Variants in PRTG observed in about 807,000 individuals in gnomAD.
The protein encoded by PRTG is immunoglobulin superfamily, DCC subclass, member 5.
A neutral mutation model predicts 122.5 loss-of-function variants in PRTG; 67 were observed. That is an observed-to-expected ratio of 0.55 (90% CI 0.45 to 0.67). The LOEUF is 0.67. Ranked by LOEUF, PRTG falls within the 30% of genes least tolerant of loss-of-function variation. The probability of loss-of-function intolerance (pLI) is 0.00; values close to 1 mark genes in which losing one functional copy is unlikely to be tolerated. For synonymous variants in PRTG, 554 were observed against 501.1 expected (o/e 1.11, Z -1.41); for missense variants, 1,435 against 1,415.4 (o/e 1.01, Z -0.22).
chr15:55,680,124 T>C lies in PRTG; in HGVS notation c.903A>G (p.Val301=). ...ISDVRLQHAG[V]YVCRATTPGT... is the part of the protein sequence containing the mutation. ...CAGGGGTAGTGGCCCGACAAACATA[T>C]ACTCCAGCATGTTGTAGCCTGACAT... Residue 301 remains valine, a synonymous_variant, in exon 6 of 20, where the codon GTA becomes GTG. Coordinates refer to ENST00000389286, the MANE Select transcript of PRTG (RefSeq NM_173814.6). 1.9e-6 allele frequency: 3 copies of C among 1,613,486 alleles called. No homozygotes were observed. The highest frequency in any genetic ancestry group is 2.5e-6 in the Non-Finnish European group (3 of 1,179,484).
At chr15:55,716,835 A>G (rs2030617920) in intron 2 of PRTG, among the ~76,000 whole-genome samples, 1 of 152,328 alleles carries the variant, frequency 6.6e-6, no homozygotes, top group African/African-American at 2.4e-5. Context: ...TCACACATAC[A>G]TGTGTATGTA....
chr15:55,620,599 C>G (rs1725024941), intron 19 of PRTG, 64 bp downstream of exon 19: 1 of 1,529,890 alleles, frequency 6.5e-7, no homozygotes, highest in Non-Finnish European at 8.7e-7. Flanking sequence ...ACATTTTCCT[C>G]TTTTTAAATC....
chr15:55,736,100 T>G (rs1421454522), intron 2 of PRTG, among the ~76,000 whole-genome samples: 1 of 152,206 alleles, frequency 6.6e-6, no homozygotes, highest in African/African-American at 2.4e-5. Flanking sequence ...TTTCTCTACA[T>G]ACCTCAGTTC....
chr15:55,631,181 A>C (rs1257272040), intron 15 of PRTG, among the ~76,000 whole-genome samples: 1 of 152,114 alleles, frequency 6.6e-6, no homozygotes, highest in Non-Finnish European at 1.5e-5. Context: ...AGTGACCCCT[A>C]TTTAGAATCA....
chr15:55,650,051 G>T (rs2059345268), intron 11 of PRTG, among the ~76,000 whole-genome samples: 1 of 152,138 alleles, frequency 6.6e-6, no homozygotes, highest in African/African-American at 2.4e-5. Flanking sequence ...AGTGCTAAAT[G>T]ACTAAATTTA....
intron 2 of PRTG, among the ~76,000 whole-genome samples, chr15:55,736,929 CCTT>C (rs1356509636): frequency 1.3e-5 from 2 of 152,198 alleles, no homozygotes; most frequent in Non-Finnish European, 2.9e-5. Context: ...CCCGCCTCCT[CCTT>C]TACTTCTCTC....
Position 55,612,106 on chromosome 15 carries a change from C to G in PRTG, c.*7906G>C, listed in dbSNP as rs1301563444. 1 of 152,050 alleles carries G rather than the reference C, an allele frequency of 6.6e-6. No homozygotes were observed. Among genetic ancestry groups the G allele is most frequent in the Non-Finnish European group, 1.5e-5 (1 of 67,942 alleles). The allele number at this position is 152,050 out of a possible 1,614,324, so 9.4% of individuals were successfully genotyped here. On this transcript the variant is annotated 3_prime_UTR_variant, in exon 20 of 20. Transcript: ENST00000389286. ...ATTTTCTTAACATATGTCCTCTACT[C>G]TACTGATAGGCTAAGGCAATGTGTG...
At position 55,723,254 on chromosome 15, in the gene PRTG, T is replaced by C. The variant is rs530538930; in HGVS notation, c.397+17128A>G. 4.7e-4 allele frequency among the ~76,000 whole-genome samples: 71 copies of C among 151,850 alleles called. No homozygotes were observed. In the South Asian group the frequency reaches 0.015, roughly 31 times the overall value. On this transcript the variant is annotated intron_variant, in intron 2 of 19. Coordinates refer to ENST00000389286, the MANE Select transcript of PRTG (RefSeq NM_173814.6). Reference sequence around the variant, plus strand: ...AATCTGCCACAAGGGAAAATGTAAATGGAAAAGGAGAGGTTAGCACCTAAA... The same window carrying C: ...AATCTGCCACAAGGGAAAATGTAAACGGAAAAGGAGAGGTTAGCACCTAAA...
At chr15:55,708,353 A>G (rs1441257561) in intron 2 of PRTG, among the ~76,000 whole-genome samples, 1 of 152,148 alleles carries the variant, frequency 6.6e-6, no homozygotes, top group East Asian at 1.9e-4. Context: ...TCATGCCTGT[A>G]ATCCCAGCAC....
In PRTG at chr15:55,620,711, C is replaced by T; in HGVS notation, c.3150G>A (p.Lys1050=). Residue 1050 remains lysine (K), a synonymous_variant, in exon 19 of 20, where the codon AAG becomes AAA. Transcript: ENST00000389286. Reference sequence around the variant, plus strand: ...AGTCTTGGAAAAAAAACCACTTTTTCTTAGAGTTGTTTTTAATTATAGGAC... The same window carrying T: ...AGTCTTGGAAAAAAAACCACTTTTTTTTAGAGTTGTTTTTAATTATAGGAC... ...SYGPIIKNNS[K]KKWFFFQDSK... The T allele has an allele frequency of 6.2e-7, 1 of 1,601,822 alleles. No homozygotes were observed. Among genetic ancestry groups the T allele is most frequent in the Admixed American group, 1.8e-5 (1 of 56,298 alleles).
chr15:55,635,212 C>T (rs1183320492), intron 15 of PRTG, among the ~76,000 whole-genome samples: 1 of 152,160 alleles, frequency 6.6e-6, no homozygotes, highest in Non-Finnish European at 1.5e-5. Context: ...CTGTCTCAGC[C>T]TCCCGAGTAG....
Position 55,617,573 on chromosome 15 carries a change from T to C in PRTG, c.*2439A>G, listed in dbSNP as rs2059146839. The C allele has an allele frequency of 6.6e-6, 1 of 152,084 alleles. No individual in the cohort carries two copies. The highest frequency in any genetic ancestry group is 2.1e-4 in the South Asian group (1 of 4,826). The allele number at this position is 152,084 out of a possible 1,614,324, so 9.4% of individuals were successfully genotyped here. A position where few individuals can be genotyped will look rare whatever the true frequency, so the allele number is the denominator to read the frequency against. On this transcript the variant is annotated 3_prime_UTR_variant, in exon 20 of 20. Coordinates refer to ENST00000389286, the MANE Select transcript of PRTG (RefSeq NM_173814.6). ...AAATTCTTTGGTAACAGAATTATTA[T>C]GAAAAAGTCCGTATAAGAACAAAAT...
intron 11 of PRTG, among the ~76,000 whole-genome samples, chr15:55,644,655 G>C (rs2059310495): frequency 6.6e-6 from 1 of 151,990 alleles, no homozygotes; most frequent in Admixed American, 6.6e-5. Context: ...ATGAAAGGAA[G>C]AGCAGTTCCC....
chr15:55,638,899 A>G (rs1487568794), intron 13 of PRTG, among the ~76,000 whole-genome samples: 2 of 152,244 alleles, frequency 1.3e-5, no homozygotes, highest in African/African-American at 4.8e-5. Context: ...TCTCTTTGAC[A>G]GTAAACTCGA....
chr15:55,709,027 T>A (rs2030264246), intron 2 of PRTG, among the ~76,000 whole-genome samples: 1 of 150,990 alleles, frequency 6.6e-6, no homozygotes, highest in Non-Finnish European at 1.5e-5. Context: ...GTGCATGTAG[T>A]CCCGGCTATT....
rs774940758 is a variant in PRTG at position 55,620,034 on chromosome 15, C to G, written c.3431G>C (p.Ser1144Thr). ...GAATCAGAGGTTGGGGGGTGTGGTA[C>G]TTATAACTGAGGACAGATGTATCTC... ...NDEIHLSSVI[S>T]TTPPNL Residue 1144 changes from serine to threonine, a missense_variant, in exon 20 of 20, where the codon AGT becomes ACT. Coordinates refer to ENST00000389286, the MANE Select transcript of PRTG (RefSeq NM_173814.6). 1 of 1,614,002 alleles carries G rather than the reference C, an allele frequency of 6.2e-7. No individual in the cohort carries two copies. The highest frequency in any genetic ancestry group is 2.2e-5 in the East Asian group (1 of 44,886).
chr15:55,637,322 A>G lies in PRTG; in HGVS notation c.2471T>C (p.Val824Ala). The G allele has an allele frequency of 6.2e-7, 1 of 1,612,360 alleles. No homozygotes were observed. ...CTCTATTAATGTCACTTTTACTCCA[A>G]CTGGTGGGCCTGCTGGTGCTGTGCA... Reference protein sequence around the residue: ...TLPEAPAGPPVGVKVTLIEDD... With the variant: ...TLPEAPAGPPAGVKVTLIEDD... The change falls in exon 15 of 20, where the codon GTT becomes GCT. Residue 824 changes from valine to alanine, a missense_variant. By Grantham distance (64) the Val-to-Ala change is moderately conservative (BLOSUM62 0). Coordinates refer to ENST00000389286, the MANE Select transcript of PRTG (RefSeq NM_173814.6).
At chr15:55,729,327 A>T (rs550501350) in intron 2 of PRTG, among the ~76,000 whole-genome samples, 21 of 152,304 alleles carry the variant, frequency 1.4e-4, no homozygotes, top group African/African-American at 4.8e-4. Flanking sequence ...ACATCCACTG[A>T]GACAAGAAGT....
At chr15:55,646,395 T>C (rs2059323942) in intron 11 of PRTG, among the ~76,000 whole-genome samples, 1 of 151,514 alleles carries the variant, frequency 6.6e-6, no homozygotes, top group Admixed American at 6.6e-5. Flanking sequence ...CGATCTCAGC[T>C]CACTGCAAGC....
Sources: allele counts gnomAD v4.1 joint callset (sites outside exome capture counted in the v4.1 genomes callset), GRCh38; gene constraint gnomAD v4.1.1; transcripts MANE v1.5; gene names NCBI Gene and HGNC (gene_info 2026-07-23, HGNC 2026-07-21).